The following BAZ1B variants were observed in gnomAD, a reference collection of about 807,000 sequenced individuals.
BAZ1B encodes bromodomain adjacent to zinc finger domain 1B, also known as tyrosine-protein kinase BAZ1B.
Under a neutral mutation model 153.8 loss-of-function variants are expected in BAZ1B, and 22 were observed. The ratio of observed to expected loss-of-function variants is 0.14; its 90% CI spans 0.10 to 0.20. The LOEUF (loss-of-function observed/expected upper bound fraction) is 0.20. Ranked by LOEUF, BAZ1B falls within the 10% of genes least tolerant of loss-of-function variation. The pLI is 1.00. For missense variants in BAZ1B, 1,325 were observed against 1,799.3 expected (o/e 0.74, Z 4.77); for synonymous variants, 676 against 633.4 (o/e 1.07, Z -1.01).
chr7:73,519,829 C>T (rs1790958585), intron 1 of BAZ1B, among the ~76,000 whole-genome samples: 3 of 152,102 alleles, frequency 2.0e-5, no homozygotes, highest in African/African-American at 4.8e-5. Context: ...CATCCATCAA[C>T]GGCTCAAAAC....
intron 12 of BAZ1B, chr7:73,462,634 G>A: frequency 2.7e-6 from 1 of 375,798 alleles, no homozygotes; most frequent in Admixed American, 4.4e-5. Flanking sequence ...GTTAAATGAT[G>A]CTATACGACT....
At position 73,449,976 on chromosome 7, in the gene BAZ1B, G is replaced by C. The variant is rs117133879; in HGVS notation, c.3581-287C>G. 1.4e-4 allele frequency among the ~76,000 whole-genome samples: 22 copies of C among 152,210 alleles called. No homozygotes were observed. The East Asian group carries it at 3.9e-3, about 27-fold the overall frequency. Reference sequence around the variant, plus strand: ...TAAGAGGCACAAAAAACCCAAGTGAGAGTAGGAAATTTTGCTGCTTTTTCG... The same window carrying C: ...TAAGAGGCACAAAAAACCCAAGTGACAGTAGGAAATTTTGCTGCTTTTTCG... On this transcript the variant is annotated intron_variant, in intron 14 of 19. Coordinates refer to ENST00000339594, the MANE Select transcript of BAZ1B (RefSeq NM_032408.4).
At chr7:73,485,316 G>A (rs577148144) in intron 6 of BAZ1B, among the ~76,000 whole-genome samples, 3 of 152,122 alleles carry the variant, frequency 2.0e-5, no homozygotes, top group East Asian at 3.9e-4. Context: ...AAAATAATTC[G>A]TGTGTATATA....
At chr7:73,453,447 T>C (rs1224108618) in intron 13 of BAZ1B, among the ~76,000 whole-genome samples, 1 of 152,134 alleles carries the variant, frequency 6.6e-6, no homozygotes, top group Non-Finnish European at 1.5e-5. Flanking sequence ...CAGTGATGGG[T>C]GAGTTCTCAA....
chr7:73,520,740 G>A (rs543371521), intron 1 of BAZ1B, among the ~76,000 whole-genome samples: 3 of 152,322 alleles, frequency 2.0e-5, no homozygotes, highest in Admixed American at 1.3e-4. Context: ...GAGGATCAGG[G>A]AGAAATGAAA....
chr7:73,444,077 T>C lies in BAZ1B; in HGVS notation c.3897A>G (p.Ala1299=), dbSNP rs998441395. 5 of 1,613,448 alleles carry C rather than the reference T, an allele frequency of 3.1e-6. No individual in the cohort carries two copies. Among genetic ancestry groups the C allele is most frequent in the Non-Finnish European group, 3.4e-6 (4 of 1,179,710 alleles). ...RGKHSVIPPA[A]RSGRRPGKKP... ...TCTTACCCGGGCGCCGGCCTGACCT[T>C]GCTGCAGGGGGGATGACGCTGTGCT... The change falls in exon 17 of 20, where the codon GCA becomes GCG. Residue 1299 remains alanine (A), a synonymous_variant. Transcript: ENST00000339594.
At chr7:73,509,709 A>G (rs1790498155) in intron 2 of BAZ1B, among the ~76,000 whole-genome samples, 1 of 151,972 alleles carries the variant, frequency 6.6e-6, no homozygotes, top group African/African-American at 2.4e-5. Context: ...GCCTCTTAAA[A>G]AAAAGGAAAC....
intron 1 of BAZ1B, among the ~76,000 whole-genome samples, chr7:73,518,766 C>T (rs1200659361): frequency 6.6e-6 from 1 of 152,208 alleles, no homozygotes; most frequent in Non-Finnish European, 1.5e-5. Context: ...GCCAGATTAA[C>T]AGTATGAATA....
At chr7:73,448,179 T>C (rs1554567045) in intron 15 of BAZ1B, among the ~76,000 whole-genome samples, 1 of 152,116 alleles carries the variant, frequency 6.6e-6, no homozygotes, top group African/African-American at 2.4e-5. Context: ...TGGCGCATGC[T>C]TGTAGTCCTA....
Position 73,450,055 on chromosome 7 carries a change from T to C in BAZ1B, c.3581-366A>G, listed in dbSNP as rs1390537386. Among the ~76,000 whole-genome samples, 1 of 151,524 alleles carries C rather than the reference T, an allele frequency of 6.6e-6. No individual in the cohort carries two copies. Among genetic ancestry groups the C allele is most frequent in the Non-Finnish European group, 1.5e-5 (1 of 67,826 alleles). On this transcript the variant is annotated intron_variant, in intron 14 of 19. Transcript: ENST00000339594. This position sits in a 1 kb window ranked among gnomAD's most constrained non-coding sequence, Gnocchi z 4.1. ...CTGATGAGTGTTCTCTCTCTCTCTT[T>C]TTTTTTTTTGGAGACAGAGTCTTGC...
In BAZ1B at chr7:73,508,491, T is replaced by A; in HGVS notation, c.225-20A>T. ...TTCAAACTAAATAAATGTAATTAGT[T>A]ATCAAGAAAACACAGAAACACCTAC... On this transcript the variant is annotated intron_variant, in intron 2 of 19. Transcript: ENST00000339594. 3.8e-6 allele frequency: 6 copies of A among 1,589,400 alleles called. No homozygotes were observed. Among genetic ancestry groups the A allele is most frequent in the Non-Finnish European group, 5.1e-6 (6 of 1,167,724 alleles).
At chr7:73,512,668 T>C (rs1475393874) in intron 1 of BAZ1B, among the ~76,000 whole-genome samples, 2 of 152,234 alleles carry the variant, frequency 1.3e-5, no homozygotes, top group Admixed American at 1.3e-4. Context: ...ACTAATTTAC[T>C]TTTAAGCACA....
chr7:73,446,027 C>A (rs573012892), intron 16 of BAZ1B, among the ~76,000 whole-genome samples: 10 of 152,142 alleles, frequency 6.6e-5, no homozygotes, highest in African/African-American at 1.9e-4. Flanking sequence ...AGAGCCCATA[C>A]GTATGTGAGA....
At chr7:73,489,611 T>C (rs1554575132) in intron 5 of BAZ1B, among the ~76,000 whole-genome samples, 2 of 152,162 alleles carry the variant, frequency 1.3e-5, no homozygotes, top group African/African-American at 4.8e-5. Flanking sequence ...GGCCAGGAGT[T>C]ACAGATCGAC....
chr7:73,483,781 A>G (rs1789289605), intron 6 of BAZ1B, among the ~76,000 whole-genome samples: 1 of 152,110 alleles, frequency 6.6e-6, no homozygotes, highest in East Asian at 1.9e-4. Context: ...AGCTTGGACT[A>G]GAGGCACACG....
intron 6 of BAZ1B, 132 bp from the exon 7 acceptor site, chr7:73,478,701 T>A (rs1198702188): frequency 1.3e-6 from 1 of 747,792 alleles, no homozygotes; most frequent in African/African-American, 1.8e-5. Context: ...TCATAGATAC[T>A]TTGTCCCTGA....
intron 1 of BAZ1B, among the ~76,000 whole-genome samples, chr7:73,520,141 G>A (rs1790975778): frequency 6.6e-6 from 1 of 151,502 alleles, no homozygotes; most frequent in Admixed American, 6.6e-5. Context: ...CCCTGGAGGC[G>A]GAGATGGCAG....
Position 73,444,055 on chromosome 7 carries a change from T to C in BAZ1B, c.3919A>G (p.Lys1307Glu), listed in dbSNP as rs201501720. 7.1e-5 allele frequency: 114 copies of C among 1,613,756 alleles called. No individual in the cohort carries two copies. The highest frequency in any genetic ancestry group is 5.8e-5 in the Non-Finnish European group (68 of 1,179,840). Residue 1307 changes from lysine (K) to glutamate (E), a missense_variant, in exon 17 of 20, where the codon AAG (lysine) becomes GAG (glutamate). Around this residue, in one of 9 missense-constraint regions of BAZ1B, gnomAD observed 271 missense variants for 337.2 expected, o/e 0.80. Coordinates refer to ENST00000339594, the MANE Select transcript of BAZ1B (RefSeq NM_032408.4). ...GACCTCCTGGTAGAGTGTGGCTTCT[T>C]ACCCGGGCGCCGGCCTGACCTTGCT... ...PAARSGRRPG[K>E]KPHSTRRSQP...
At chr7:73,489,601 G>A (rs1399277232) in intron 5 of BAZ1B, among the ~76,000 whole-genome samples, 1 of 152,170 alleles carries the variant, frequency 6.6e-6, no homozygotes, top group Non-Finnish European at 1.5e-5. Context: ...GATTGTTTGA[G>A]GCCAGGAGTT....
Sources: allele counts gnomAD v4.1 joint callset (sites outside exome capture counted in the v4.1 genomes callset), GRCh38; gene constraint gnomAD v4.1.1; regional missense constraint gnomAD v4.1.1; non-coding constraint Gnocchi (gnomAD v3.1); transcripts MANE v1.5; gene names NCBI Gene and HGNC (gene_info 2026-07-23, HGNC 2026-07-21).